The following CEP128 variants were observed in gnomAD, a reference collection of about 807,000 sequenced individuals.
The protein encoded by CEP128 is centrosomal protein 128kDa.
In CEP128, 132 loss-of-function variants were observed where a neutral mutation model predicts 156.7. That is an observed-to-expected ratio of 0.84 (90% CI 0.73 to 0.97). The LOEUF (loss-of-function observed/expected upper bound fraction) is 0.97, where lower values mean the gene tolerates loss of function less well. CEP128 is among the 50% of genes least tolerant of loss of function. The pLI, the probability that CEP128 is intolerant of heterozygous loss-of-function variation, is 0.00. For missense variants in CEP128, 1,252 were observed against 1,281.9 expected, an observed-to-expected ratio of 0.98 and a Z score of 0.36; for synonymous variants, 469 against 448.9, an observed-to-expected ratio of 1.04 and a Z score of -0.57.
rs552059570 is a variant in CEP128, at chr14:80,590,169, G to A, written c.2807-9746C>T. 9.1e-4 allele frequency among the ~76,000 whole-genome samples: 139 copies of A among 152,198 alleles called. 6 individuals carry two copies. In the South Asian group the frequency reaches 0.028, roughly 30 times the overall value. On this transcript the variant is annotated intron_variant, in intron 19 of 24. Coordinates refer to ENST00000555265, the MANE Select transcript of CEP128 (RefSeq NM_152446.5). ...AGGACATGAATCCTCACAGAACTGG[G>A]TATTCATCTTGAAATGGCAAGCATG...
At chr14:80,564,495 G>T (rs1463877607) in intron 20 of CEP128, among the ~76,000 whole-genome samples, 1 of 152,198 alleles carries the variant, frequency 6.6e-6, no homozygotes, top group Admixed American at 6.5e-5. Context: ...AACTTTTGAG[G>T]TTAATGAGGT....
At chr14:80,806,082 AT>A (rs1249325099) in intron 13 of CEP128, among the ~76,000 whole-genome samples, 2 of 152,172 alleles carry the variant, frequency 1.3e-5, no homozygotes, top group Non-Finnish European at 2.9e-5. Flanking sequence ...TGTCTTCTCT[AT>A]CATTCTAATT....
At chr14:80,707,713 G>A (rs1897273193) in intron 19 of CEP128, among the ~76,000 whole-genome samples, 1 of 151,942 alleles carries the variant, frequency 6.6e-6, no homozygotes, top group Admixed American at 6.6e-5. Flanking sequence ...ATAAATCTCA[G>A]TTTTCAATAA....
chr14:80,559,586 A>G (rs140376080), intron 20 of CEP128, among the ~76,000 whole-genome samples: 2 of 152,306 alleles, frequency 1.3e-5, no homozygotes, highest in East Asian at 3.9e-4. Context: ...CATTTTTGTA[A>G]TGGTAAGATT....
intron 19 of CEP128, among the ~76,000 whole-genome samples, chr14:80,622,687 A>G (rs1375618690): frequency 6.6e-6 from 1 of 150,556 alleles, no homozygotes; most frequent in Non-Finnish European, 1.5e-5. Flanking sequence ...ACATTTATGC[A>G]GCCAAAAAAC....
At chr14:80,904,759 A>G in intron 6 of CEP128, 54 bp downstream of exon 6, 1 of 976,760 alleles carries the variant, frequency 1.0e-6, no homozygotes, top group African/African-American at 1.6e-5. Context: ...TCATTTATAT[A>G]CAATAGAAGC....
chr14:80,721,266 C>T (rs1490978701), intron 19 of CEP128, among the ~76,000 whole-genome samples: 1 of 152,142 alleles, frequency 6.6e-6, no homozygotes, highest in East Asian at 1.9e-4. Flanking sequence ...AAAGAGAACT[C>T]GACAACCCTG....
At chr14:80,911,141 T>C (rs1243541675) in intron 4 of CEP128, among the ~76,000 whole-genome samples, 1 of 152,122 alleles carries the variant, frequency 6.6e-6, no homozygotes, top group Non-Finnish European at 1.5e-5. Context: ...CCAACCTAAA[T>C]CTATGAAAGG....
At chr14:80,550,811 GT>G (rs1182747702) in intron 21 of CEP128, among the ~76,000 whole-genome samples, 5 of 97,066 alleles carry the variant, frequency 5.2e-5, no homozygotes, top group Non-Finnish European at 9.2e-5. Context: ...AATGTGAAAT[GT>G]AAAAAAAAAA....
At chr14:80,541,639 C>A (rs142497069) in intron 21 of CEP128, among the ~76,000 whole-genome samples, 1 of 152,164 alleles carries the variant, frequency 6.6e-6, no homozygotes, top group Non-Finnish European at 1.5e-5. Context: ...ATCTCACAAT[C>A]TTACCCTTAT....
chr14:80,649,421 A>G (rs953788102), intron 19 of CEP128, among the ~76,000 whole-genome samples: 4 of 152,092 alleles, frequency 2.6e-5, no homozygotes, highest in Non-Finnish European at 5.9e-5. Flanking sequence ...TGCAATGGAG[A>G]AAATTGCTTG....
At chr14:80,807,090 T>TA (rs144834292) in intron 13 of CEP128, among the ~76,000 whole-genome samples, 6,940 of 152,204 alleles carry the variant, frequency 0.046, 187 homozygotes, top group Middle Eastern at 0.061. Context: ...TCTTTTTTTT[T>TA]ATTCAAGTAG....
At position 80,909,403 on chromosome 14, in the gene CEP128, A is replaced by G. The variant is rs12590682; in HGVS notation, c.235-3322T>C. On this transcript the variant is annotated intron_variant, in intron 4 of 24. Coordinates refer to ENST00000555265, the MANE Select transcript of CEP128 (RefSeq NM_152446.5). ...CACACACACACACACACACACACAC[A>G]CGCAAACTCCCTGCCACCAAAAGAA... Among the ~76,000 whole-genome samples the G allele has an allele frequency of 1.7e-3, 258 of 150,688 alleles. 2 individuals carry two copies. The highest frequency in any genetic ancestry group is 9.8e-3 in the East Asian group (49 of 5,010).
intron 20 of CEP128, among the ~76,000 whole-genome samples, chr14:80,560,783 C>T (rs1053768588): frequency 2.6e-5 from 4 of 152,170 alleles, no homozygotes; most frequent in African/African-American, 9.7e-5. Flanking sequence ...CACTGTACGC[C>T]ACGTTCTTCA....
At position 80,777,925 on chromosome 14, in the gene CEP128, A is replaced by C. The variant is rs918644031; in HGVS notation, c.2333T>G (p.Leu778Arg). ...LTQNENENKK[L>R]KLKYQCLKDQ... Reference sequence around the variant, plus strand: ...CTTCAAACATTGATATTTTAGCTTCAGTTTTTTGTTCTCATTTTCATTCTG... The same window carrying C: ...CTTCAAACATTGATATTTTAGCTTCCGTTTTTTGTTCTCATTTTCATTCTG... Residue 778 changes from leucine (L) to arginine (R), a missense_variant, in exon 16 of 25, where the codon CTG becomes CGG. Transcript: ENST00000555265. 64 of 1,611,734 alleles carry C rather than the reference A, an allele frequency of 4.0e-5. No individual in the cohort carries two copies. The highest frequency in any genetic ancestry group is 5.0e-5 in the Non-Finnish European group (59 of 1,178,444).
At chr14:80,815,982 T>A (rs895176751) in intron 13 of CEP128, among the ~76,000 whole-genome samples, 2 of 152,028 alleles carry the variant, frequency 1.3e-5, no homozygotes, top group African/African-American at 4.8e-5. Flanking sequence ...AGATGAGAAG[T>A]TTCTTAATGG....
At chr14:80,727,839 T>C (rs1007746062) in intron 19 of CEP128, among the ~76,000 whole-genome samples, 2 of 151,936 alleles carry the variant, frequency 1.3e-5, no homozygotes, top group Non-Finnish European at 2.9e-5. Flanking sequence ...AGTCAGAATG[T>C]CTATTAAAAA....
intron 19 of CEP128, among the ~76,000 whole-genome samples, chr14:80,597,337 G>A (rs769785845): frequency 2.0e-5 from 3 of 152,074 alleles, no homozygotes; most frequent in Admixed American, 1.3e-4. Flanking sequence ...TGATAATTTA[G>A]AAGATATGGA....
intron 19 of CEP128, among the ~76,000 whole-genome samples, chr14:80,678,065 T>C (rs1360362282): frequency 1.6e-5 from 1 of 62,126 alleles, no homozygotes; most frequent in African/African-American, 3.2e-5. Flanking sequence ...TATATATATG[T>C]ATATATATAT....
Sources: gnomAD v4.1 joint callset for allele counts (sites outside exome capture counted in the v4.1 genomes callset) on GRCh38, gnomAD v4.1.1 for gene constraint, MANE v1.5 for transcripts, NCBI Gene and HGNC (gene_info 2026-07-23, HGNC 2026-07-21) for gene names.